LRP4: variants seen among roughly 807,000 people sequenced by gnomAD.
LRP4 encodes the protein low-density lipoprotein receptor-related protein 4.
In LRP4, 95 loss-of-function variants were observed where a neutral mutation model predicts 220.3. That is an observed-to-expected ratio of 0.43 (90% confidence interval 0.37 to 0.51). LRP4 has a LOEUF of 0.51. LRP4 is among the 20% of genes least tolerant of loss of function. The pLI is 0.00. For synonymous variants in LRP4, 903 were observed against 954.6 expected (o/e 0.95, Z 1.00); for missense variants, 1,925 against 2,567.0 (o/e 0.75, Z 5.40).
rs761148147 is a variant in LRP4 at position 46,889,483 on chromosome 11, G to A, written c.2143C>T (p.Pro715Ser). 3 of 1,613,984 alleles carry A rather than the reference G, an allele frequency of 1.9e-6. No individual in the cohort carries two copies. The highest frequency in any genetic ancestry group is 2.5e-6 in the Non-Finnish European group (3 of 1,180,034). The change falls in exon 16 of 38, where the codon CCC (proline) becomes TCC (serine). Residue 715 changes from proline (P) to serine (S), a missense_variant. By Grantham distance (74) the Pro-to-Ser change is moderately conservative. Transcript: ENST00000378623. ...NNGGCTHLCLPSGQNYTCACP... is the reference protein window; with the variant it reads ...NNGGCTHLCLSSGQNYTCACP... Reference sequence around the variant, plus strand: ...GCACAGGTGTAGTTCTGGCCACTGGGCAGACACAGGTGCGTGCAGCCTCCG... The same window carrying A: ...GCACAGGTGTAGTTCTGGCCACTGGACAGACACAGGTGCGTGCAGCCTCCG...
chr11:46,913,654 T>C (rs1264604488), intron 1 of LRP4, among the ~76,000 whole-genome samples: 2 of 152,108 alleles, frequency 1.3e-5, no homozygotes, highest in Non-Finnish European at 2.9e-5. Context: ...CTGTTCCAGC[T>C]ACAAGAGTCC....
intron 16 of LRP4, among the ~76,000 whole-genome samples, chr11:46,888,548 C>CAAAAAAAAAAAAAAAAAAAAAAA (rs71042635): frequency 9.6e-5 from 3 of 31,314 alleles, no homozygotes; most frequent in Non-Finnish European, 2.2e-4. Context: ...AAAACTGTCT[C>CAAAAAAAAAAAAAAAAAAAAAAA]AAAAAAAAAA....
Position 46,886,134 on chromosome 11 carries a change from C to T in LRP4, c.2463G>A (p.Leu821=). 3.7e-6 allele frequency: 6 copies of T among 1,614,180 alleles called. No homozygotes were observed. The highest frequency in any genetic ancestry group is 5.1e-6 in the Non-Finnish European group (6 of 1,180,044). The change falls in exon 18 of 38, where the codon CTG becomes CTA. Residue 821 remains leucine, a synonymous_variant. Coordinates refer to ENST00000378623, the MANE Select transcript of LRP4 (RefSeq NM_002334.4). Reference sequence around the variant, plus strand: ...GTTTGTTGGTGACCCAATCAATGGCCAGGCCAGCTGGGCTCTCCAAACTGG... The same window carrying T: ...GTTTGTTGGTGACCCAATCAATGGCTAGGCCAGCTGGGCTCTCCAAACTGG... ...VDTSLESPAG[L]AIDWVTNKLY... is the part of the protein sequence containing the mutation.
chr11:46,893,275 C>A, intron 12 of LRP4, 146 bp from the exon 13 acceptor site: 1 of 783,180 alleles, frequency 1.3e-6, no homozygotes. Context: ...ATTTAAGCAT[C>A]ACAACTCTGT....
rs2134774940 is a variant in LRP4, at chr11:46,868,050, G to T, written c.5016C>A (p.Pro1672=). The part of the protein sequence containing the change: ...TGMSEKSPVL[P]NTPPTTLYSS... ...AATACAAGGTGGTAGGTGGTGTGTT[G>T]GGTAGCACTGGGCTCTTTTCACTCA... Residue 1672 remains proline (P), a synonymous_variant, in exon 34 of 38, where the codon CCC becomes CCA. Transcript: ENST00000378623. 1.9e-6 allele frequency: 3 copies of T among 1,614,132 alleles called. No individual in the cohort carries two copies. The highest frequency in any genetic ancestry group is 2.5e-6 in the Non-Finnish European group (3 of 1,180,028).
At chr11:46,908,403 A>G (rs10838634) in intron 1 of LRP4, among the ~76,000 whole-genome samples, 119,865 of 152,144 alleles carry the variant, frequency 0.79, 49,941 homozygotes, top group East Asian at 1. Flanking sequence ...AATTGCAATT[A>G]CTTTTGCGCC....
chr11:46,877,120 A>G, intron 23 of LRP4, 79 bp downstream of exon 23: 3 of 1,525,926 alleles, frequency 2.0e-6, no homozygotes, highest in Non-Finnish European at 2.7e-6. Flanking sequence ...GCAGGAGACA[A>G]AGGTGGTGGG....
intron 1 of LRP4, among the ~76,000 whole-genome samples, chr11:46,915,976 A>C (rs974615074): frequency 2.6e-5 from 4 of 152,286 alleles, no homozygotes; most frequent in African/African-American, 9.6e-5. Flanking sequence ...CCAGGCTCTG[A>C]AACTGCTCAA....
chr11:46,908,941 G>T (rs1439780806), intron 1 of LRP4, among the ~76,000 whole-genome samples: 1 of 152,232 alleles, frequency 6.6e-6, no homozygotes, highest in Non-Finnish European at 1.5e-5. Context: ...CCATCCAACA[G>T]GTAAGGGCAC....
In LRP4 at chr11:46,871,551, C is replaced by T; in HGVS notation, c.4666G>A (p.Val1556Met). Reference sequence around the variant, plus strand: ...TGTGTGAGGGCAAAGGGGTGGGACACATGGCTGACCAAGACCTGCCGCAGT... The same window carrying T: ...TGTGTGAGGGCAAAGGGGTGGGACATATGGCTGACCAAGACCTGCCGCAGT... The part of the protein sequence containing the change: ...GKLRQVLVSH[V>M]SHPFALTQQD... The change falls in exon 31 of 38, where the codon GTG becomes ATG. Residue 1556 changes from valine (V) to methionine (M), a missense_variant. Val to Met is a conservative substitution (Grantham distance 21, BLOSUM62 1). This residue lies in a region of LRP4 where 1,244 missense variants were observed against 1,624.9 expected (regional missense o/e 0.77). Transcript: ENST00000378623. 1 of 1,612,980 alleles carries T rather than the reference C, an allele frequency of 6.2e-7. No individual in the cohort carries two copies. The highest frequency in any genetic ancestry group is 8.5e-7 in the Non-Finnish European group (1 of 1,179,496).
At chr11:46,912,513 C>A (rs961088228) in intron 1 of LRP4, among the ~76,000 whole-genome samples, 1 of 152,132 alleles carries the variant, frequency 6.6e-6, no homozygotes, top group Non-Finnish European at 1.5e-5. Context: ...GCTCCCCTTT[C>A]CTATTTGCTA....
In LRP4 at chr11:46,875,982, T is replaced by C; in HGVS notation, c.3537-16A>G. 6.2e-7 allele frequency: 1 copy of C among 1,609,394 alleles called. No individual in the cohort carries two copies. Among genetic ancestry groups the C allele is most frequent in the Non-Finnish European group, 8.5e-7 (1 of 1,175,736 alleles). ...GTACATAAACCTGAGTGAGGAAGAA[T>C]ATTAGCTATATTAGCTAGTTATTCC... On this transcript the variant is annotated splice_polypyrimidine_tract_variant and intron_variant, in intron 25 of 37. Transcript: ENST00000378623. This position sits in a 1 kb window ranked among gnomAD's most constrained non-coding sequence, Gnocchi z 4.5.
chr11:46,870,392 TCTTTC>T (rs1295759714), intron 31 of LRP4, among the ~76,000 whole-genome samples: 3 of 152,308 alleles, frequency 2.0e-5, no homozygotes, highest in South Asian at 2.1e-4. Context: ...CTCTTTCTTT[TCTTTC>T]CTTTCTTCTT....
chr11:46,859,672 C>A (rs1272446607), intron 37 of LRP4, among the ~76,000 whole-genome samples: 2 of 152,196 alleles, frequency 1.3e-5, no homozygotes, highest in Non-Finnish European at 2.9e-5. Flanking sequence ...TCACAACCAA[C>A]TGCTGTCACC....
intron 2 of LRP4, among the ~76,000 whole-genome samples, chr11:46,902,522 T>C (rs977987253): frequency 6.6e-6 from 1 of 152,162 alleles, no homozygotes; most frequent in Non-Finnish European, 1.5e-5. Context: ...TTAAAGAAAC[T>C]CCCTGTTGTG....
chr11:46,876,222 C>T (rs954805166), intron 25 of LRP4, among the ~76,000 whole-genome samples: 1 of 152,110 alleles, frequency 6.6e-6, no homozygotes, highest in African/African-American at 2.4e-5. Context: ...AATACCGGAC[C>T]CAAGTGATAT....
intron 16 of LRP4, among the ~76,000 whole-genome samples, chr11:46,888,435 C>T (rs1228931121): frequency 6.7e-6 from 1 of 149,488 alleles, no homozygotes; most frequent in Non-Finnish European, 1.5e-5. Context: ...TGCTTGTAAT[C>T]CCAGCTATTC....
At chr11:46,870,915 T>C (rs1940845122) in intron 31 of LRP4, among the ~76,000 whole-genome samples, 1 of 152,226 alleles carries the variant, frequency 6.6e-6, no homozygotes, top group Non-Finnish European at 1.5e-5. Context: ...TTCAGGAGGA[T>C]ACTATTATTA....
chr11:46,889,532 C>G lies in LRP4; in HGVS notation c.2094G>C (p.Gly698=). 1.2e-6 allele frequency: 2 copies of G among 1,613,674 alleles called. No individual in the cohort carries two copies. Among genetic ancestry groups the G allele is most frequent in the Non-Finnish European group, 8.5e-7 (1 of 1,180,020 alleles). The change falls in exon 16 of 38, where the codon GGG becomes GGC. Residue 698 remains glycine (G), a splice_region_variant and synonymous_variant. Transcript: ENST00000378623. ...HTLHPQRQPA[G]KNRCGDNNGG... ...CGTTGTTGTCCCCACAGCGGTTTTT[C>G]CCTGCTCAAAGAGCCCAGGGCAAGA... is the stretch of plus-strand genomic sequence containing the variant.
Sources: gnomAD v4.1 joint callset for allele counts (sites outside exome capture counted in the v4.1 genomes callset) on GRCh38, gnomAD v4.1.1 for gene constraint, gnomAD v4.1.1 regional missense constraint, Gnocchi (gnomAD v3.1) non-coding constraint, MANE v1.5 for transcripts, NCBI Gene and HGNC (gene_info 2026-07-23, HGNC 2026-07-21) for gene names.